Variants in TSGA13 observed in about 807,000 individuals in gnomAD.
TSGA13 encodes the protein testis-specific gene 13 protein.
A neutral mutation model predicts 35.1 loss-of-function variants in TSGA13; 37 were observed. That is an observed-to-expected ratio of 1.05 (90% CI 0.81 to 1.39). The LOEUF (loss-of-function observed/expected upper bound fraction) is 1.39, where lower values mean the gene tolerates loss of function less well. TSGA13 is among the 40% of genes most tolerant of loss of function. The probability of loss-of-function intolerance (pLI) is 0.00; values close to 1 mark genes in which losing one functional copy is unlikely to be tolerated. For synonymous variants in TSGA13, 124 were observed against 121.2 expected (o/e 1.02, Z -0.15); for missense variants, 338 against 328.5 (o/e 1.03, Z -0.22).
intron 3 of TSGA13, 120 bp downstream of exon 3, chr7:130,683,474 C>T: frequency 1.2e-6 from 1 of 807,724 alleles, no homozygotes; most frequent in Non-Finnish European, 1.9e-6. Flanking sequence ...CCTTGTTTTC[C>T]ATATACATTT....
intron 3 of TSGA13, among the ~76,000 whole-genome samples, chr7:130,682,184 A>G (rs1043388964): frequency 2.0e-5 from 3 of 151,806 alleles, no homozygotes; most frequent in Admixed American, 2.0e-4. Flanking sequence ...CAATGGCATG[A>G]TCTTGGCTCA....
Position 130,671,740 on chromosome 7 carries a change from G to T in TSGA13, c.579C>A (p.Val193=). The T allele has an allele frequency of 6.2e-7, 1 of 1,609,304 alleles. No homozygotes were observed. Among genetic ancestry groups the T allele is most frequent in the Non-Finnish European group, 8.5e-7 (1 of 1,176,864 alleles). Residue 193 remains valine, a synonymous_variant, in exon 7 of 8, where the codon GTC becomes GTA. Transcript: ENST00000356588. ...TTTTCTTCTGTGTCCTCAAAGCGTAGACTTTTGAATACTTCCCTTCGCTCT... is the reference window on the plus strand; with the variant it reads ...TTTTCTTCTGTGTCCTCAAAGCGTATACTTTTGAATACTTCCCTTCGCTCT... ...DFKSEGKYSK[V]YALRTQKKMY...
At position 130,685,266 on chromosome 7, in the gene TSGA13, C is replaced by G. The variant is rs1485229777; in HGVS notation, c.-56G>C. On this transcript the variant is annotated 5_prime_UTR_variant, in exon 2 of 8. Coordinates refer to ENST00000356588, the MANE Select transcript of TSGA13 (RefSeq NM_052933.4). The stretch of plus-strand genomic sequence containing the variant: ...GCAGGTATTCACCCAAGGCCAAATT[C>G]AGGTCTCTAAATAGTCCACGTTCTG... The G allele has an allele frequency of 8.1e-6, 13 of 1,610,066 alleles. No homozygotes were observed. Among genetic ancestry groups the G allele is most frequent in the South Asian group, 1.1e-5 (1 of 90,956 alleles).
chr7:130,679,172 A>G lies in TSGA13; in HGVS notation c.370T>C (p.Leu124=). ...CTGCTTACCATGACCTTGAGCAGTA[A>G]CTCCTTGGAAAAATATTTTGATGCA... The part of the protein sequence containing the change: ...ESASKYFSKE[L]LLKVMESHHQ... Residue 124 remains leucine, a synonymous_variant, in exon 5 of 8, where the codon TTA becomes CTA. Coordinates refer to ENST00000356588, the MANE Select transcript of TSGA13 (RefSeq NM_052933.4). 3 of 1,613,966 alleles carry G rather than the reference A, an allele frequency of 1.9e-6. No homozygotes were observed. The highest frequency in any genetic ancestry group is 2.5e-6 in the Non-Finnish European group (3 of 1,179,936).
At chr7:130,685,414 C>A in intron 1 of TSGA13, 54 bp from the exon 2 acceptor site, 3 of 1,324,570 alleles carry the variant, frequency 2.3e-6, no homozygotes, top group South Asian at 2.4e-5. Context: ...GTAGAAAATG[C>A]ACAAGACATG....
At position 130,679,277 on chromosome 7, in the gene TSGA13, G is replaced by A; in HGVS notation, c.265C>T (p.Gln89Ter). The change falls in exon 5 of 8, where the codon CAG (glutamine) becomes TAG (stop). Residue 89 changes from glutamine to a stop codon, truncating the protein, a stop_gained. Transcript: ENST00000356588. LOFTEE classifies it high-confidence loss of function. ...KNTSFMLKVTQYDQDKTLLIM... is the reference protein window; with the variant it reads ...KNTSFMLKVT ...AGTAACGTCTTATCCTGGTCATACTGTGTTACTTTTAACATGAAGCTGGTG... is the reference window on the plus strand; with the variant it reads ...AGTAACGTCTTATCCTGGTCATACTATGTTACTTTTAACATGAAGCTGGTG... 2 of 1,614,186 alleles carry A rather than the reference G, an allele frequency of 1.2e-6. No individual in the cohort carries two copies. Among genetic ancestry groups the A allele is most frequent in the Non-Finnish European group, 1.7e-6 (2 of 1,180,030 alleles).
chr7:130,677,054 G>C (rs6963698), intron 5 of TSGA13, among the ~76,000 whole-genome samples: 1 of 151,802 alleles, frequency 6.6e-6, no homozygotes, highest in Non-Finnish European at 1.5e-5. Context: ...TACCACGCCC[G>C]GCTAATTTTT....
chr7:130,686,038 A>T (rs1554465691), intron 1 of TSGA13, among the ~76,000 whole-genome samples: 1 of 152,206 alleles, frequency 6.6e-6, no homozygotes, highest in African/African-American at 2.4e-5. Context: ...GTCACATTAT[A>T]GGGGCCTTGA....
rs377627684 is a variant in TSGA13, at chr7:130,681,889, A to G, written c.103-872T>C. ...CATAGTCAGAAATCGGAAAAAAAGA[A>G]GAGTGCATCATTATCCTGTGTTCAG... On this transcript the variant is annotated intron_variant, in intron 3 of 7. Coordinates refer to ENST00000356588, the MANE Select transcript of TSGA13 (RefSeq NM_052933.4). 1.1e-4 allele frequency among the ~76,000 whole-genome samples: 17 copies of G among 152,250 alleles called. 1 individual carries two copies. Among genetic ancestry groups the G allele is most frequent in the East Asian group, 9.7e-4 (5 of 5,176 alleles).
rs781914977 is a variant in TSGA13, at chr7:130,669,080, C to A, written c.762G>T (p.Gly254=). Residue 254 remains glycine (G), a synonymous_variant, in exon 8 of 8, where the codon GGG becomes GGT. Transcript: ENST00000356588. The stretch of plus-strand genomic sequence containing the variant: ...CCCTCCCGTTGCGGAAGGCGCTCTC[C>A]CCGGGCGCGGTTCTGGTGGGCATGT... ...LEDMPTRTAP[G]ESAFRNGRAP... The A allele has an allele frequency of 2.5e-6, 4 of 1,614,242 alleles. No homozygotes were observed. Among genetic ancestry groups the A allele is most frequent in the Middle Eastern group, 1.6e-4 (1 of 6,062 alleles).
chr7:130,676,710 A>G (rs1796417585), intron 5 of TSGA13, among the ~76,000 whole-genome samples: 1 of 152,202 alleles, frequency 6.6e-6, no homozygotes, highest in African/African-American at 2.4e-5. Flanking sequence ...TCTAGGAACT[A>G]TGGAAACACT....
At chr7:130,679,533 G>A (rs1009917773) in intron 4 of TSGA13, among the ~76,000 whole-genome samples, 166 bp from the exon 5 acceptor site, 4 of 151,952 alleles carry the variant, frequency 2.6e-5, no homozygotes, top group African/African-American at 7.3e-5. Context: ...TTTTTGAGAC[G>A]GAGTCTCACT....
intron 5 of TSGA13, among the ~76,000 whole-genome samples, chr7:130,677,600 T>G (rs1796444219): frequency 6.6e-6 from 1 of 152,088 alleles, no homozygotes; most frequent in African/African-American, 2.4e-5. Flanking sequence ...AATTTTTGTA[T>G]TTTTAGGAGA....
rs1242621234 is a variant in TSGA13 at position 130,682,890 on chromosome 7, A to G, written c.102+704T>C. Among the ~76,000 whole-genome samples the G allele has an allele frequency of 2.0e-5, 3 of 152,214 alleles. No individual in the cohort carries two copies. The East Asian group carries it at 5.8e-4, about 29-fold the overall frequency. On this transcript the variant is annotated intron_variant, in intron 3 of 7. Transcript: ENST00000356588. ...AGACTCAATCATTTAATTTTTTACCACCTTATGGAAAACTAAAGTTCATTT... is the reference window on the plus strand; with the variant it reads ...AGACTCAATCATTTAATTTTTTACCGCCTTATGGAAAACTAAAGTTCATTT...
intron 7 of TSGA13, among the ~76,000 whole-genome samples, chr7:130,669,611 A>G (rs1172866542): frequency 6.6e-6 from 1 of 152,220 alleles, no homozygotes; most frequent in African/African-American, 2.4e-5. Flanking sequence ...TAGAAATGTA[A>G]ATTGGGTCTA....
chr7:130,680,991 T>C lies in TSGA13; in HGVS notation c.129A>G (p.Lys43=). 1 of 1,614,176 alleles carries C rather than the reference T, an allele frequency of 6.2e-7. No homozygotes were observed. Among genetic ancestry groups the C allele is most frequent in the Non-Finnish European group, 8.5e-7 (1 of 1,180,014 alleles). ...KEISDAVGQS[K]FVLENLRHYT... The stretch of plus-strand genomic sequence containing the variant: ...AATGCCGAAGGTTCTCTAGAACAAA[T>C]TTTGATTGCCCGACTGCATCAGAAA... Residue 43 remains lysine, a synonymous_variant, in exon 4 of 8, where the codon AAA becomes AAG. Transcript: ENST00000356588.
chr7:130,668,757 C>T lies in TSGA13; in HGVS notation c.*257G>A. The T allele has an allele frequency of 7.0e-7, 1 of 1,434,480 alleles. No homozygotes were observed. Among genetic ancestry groups the T allele is most frequent in the Non-Finnish European group, 9.3e-7 (1 of 1,073,062 alleles). 88.9% of individuals were successfully genotyped at this position (1,434,480 alleles called of 1,614,324 possible). A position where few individuals can be genotyped will look rare whatever the true frequency, so the allele number is the denominator to read the frequency against. On this transcript the variant is annotated 3_prime_UTR_variant, in exon 8 of 8. Coordinates refer to ENST00000356588, the MANE Select transcript of TSGA13 (RefSeq NM_052933.4). ...GAAGAGGCTGCAGGAAGGCCGGCCC[C>T]GCGCTCTCACGCCGGTTGGGCCGCC... is the stretch of plus-strand genomic sequence containing the variant.
At chr7:130,681,665 T>C (rs1796549977) in intron 3 of TSGA13, among the ~76,000 whole-genome samples, 1 of 152,148 alleles carries the variant, frequency 6.6e-6, no homozygotes, top group African/African-American at 2.4e-5. Flanking sequence ...ATTTTTATTT[T>C]TTTTGCTGGT....
chr7:130,678,221 T>G (rs1474544470), intron 5 of TSGA13, among the ~76,000 whole-genome samples: 2 of 151,968 alleles, frequency 1.3e-5, no homozygotes, highest in East Asian at 3.9e-4. Context: ...TACTAAAAAA[T>G]ACAAAAAATT....
Sources: allele counts gnomAD v4.1 joint callset (sites outside exome capture counted in the v4.1 genomes callset), GRCh38; gene constraint gnomAD v4.1.1; transcripts MANE v1.5; gene names NCBI Gene and HGNC (gene_info 2026-07-23, HGNC 2026-07-21).